CBR3: variants seen among roughly 807,000 people sequenced by gnomAD.
CBR3 encodes carbonyl reductase [NADPH] 3.
A neutral mutation model predicts 11.6 loss-of-function variants in CBR3; 14 were observed. The ratio of observed to expected loss-of-function variants is 1.20; its 90% CI spans 0.79 to 1.88. The LOEUF (loss-of-function observed/expected upper bound fraction) is 1.88, where lower values mean the gene tolerates loss of function less well. CBR3 is among the 40% of genes most tolerant of loss of function. The pLI is 0.00. For synonymous variants in CBR3, 125 were observed against 145.6 expected (o/e 0.86, Z 1.02); for missense variants, 308 against 357.3 (o/e 0.86, Z 1.11).
rs1426778658 is a variant in CBR3, at chr21:36,146,061, A to G, written c.398-15A>G. 1 of 1,570,164 alleles carries G rather than the reference A, an allele frequency of 6.4e-7. No individual in the cohort carries two copies. The highest frequency in any genetic ancestry group is 8.7e-7 in the Non-Finnish European group (1 of 1,143,394). The stretch of plus-strand genomic sequence containing the variant: ...CTCTGTGATATGCTTTCATATATTT[A>G]TCATTCTGTTTCAGGGAGAGTGGTG... On this transcript the variant is annotated splice_polypyrimidine_tract_variant and intron_variant, in intron 2 of 2. Coordinates refer to ENST00000290354, the MANE Select transcript of CBR3 (RefSeq NM_001236.4).
At chr21:36,139,572 G>A (rs890588174) in intron 2 of CBR3, among the ~76,000 whole-genome samples, 24 of 151,926 alleles carry the variant, frequency 1.6e-4, no homozygotes, top group Admixed American at 1.1e-3. Flanking sequence ...AGTAGAGACA[G>A]GGCTTTGCCA....
chr21:36,144,500 G>A (rs990738234), intron 2 of CBR3, among the ~76,000 whole-genome samples: 2 of 147,074 alleles, frequency 1.4e-5, no homozygotes, highest in Admixed American at 6.8e-5. Flanking sequence ...AGTGGCTCAC[G>A]CCTGTAATTC....
rs369773796 is a variant in CBR3, at chr21:36,135,162, C to T, written c.-31C>T. On this transcript the variant is annotated 5_prime_UTR_variant, in exon 1 of 3. Coordinates refer to ENST00000290354, the MANE Select transcript of CBR3 (RefSeq NM_001236.4). ...GTGGTCCGAAGCCCGGTCCGCCCTC[C>T]ACGCAGGTGCCCCGCGCTCCCCGCT... The T allele has an allele frequency of 9.8e-6, 14 of 1,423,720 alleles. No individual in the cohort carries two copies. The highest frequency in any genetic ancestry group is 4.4e-4 in the Middle Eastern group (2 of 4,588). The allele number at this position is 1,423,720 out of a possible 1,614,324, so 88.2% of individuals were successfully genotyped here.
chr21:36,140,940 G>A (rs925253497), intron 2 of CBR3, among the ~76,000 whole-genome samples: 9 of 149,428 alleles, frequency 6.0e-5, no homozygotes, highest in Admixed American at 2.0e-4. Flanking sequence ...CCCGGGAGGC[G>A]GAACTTGCAG....
At chr21:36,135,808 C>T (rs1056876984) in intron 1 of CBR3, among the ~76,000 whole-genome samples, 4 of 152,266 alleles carry the variant, frequency 2.6e-5, no homozygotes, top group Non-Finnish European at 4.4e-5. Context: ...TAGAGTTCAT[C>T]AGCTTTCCTT....
chr21:36,136,361 A>G (rs1266724903), intron 1 of CBR3, among the ~76,000 whole-genome samples: 2 of 151,600 alleles, frequency 1.3e-5, no homozygotes, highest in African/African-American at 4.8e-5. Flanking sequence ...TTCACCTCCA[A>G]CCTAGTGGGG....
intron 1 of CBR3, among the ~76,000 whole-genome samples, chr21:36,136,612 C>G (rs1262944850): frequency 6.6e-6 from 1 of 152,046 alleles, no homozygotes; most frequent in Non-Finnish European, 1.5e-5. Context: ...GCTTCCTGGA[C>G]GACAGGCGGA....
At chr21:36,141,568 A>G (rs1471674756) in intron 2 of CBR3, 19 of 152,362 alleles carry the variant, frequency 1.2e-4, no homozygotes. Context: ...GGGACCATCT[A>G]TCTGTATTTG....
At chr21:36,135,653 T>G (rs985481643) in intron 1 of CBR3, 172 bp downstream of exon 1, 1 of 639,300 alleles carries the variant, frequency 1.6e-6, no homozygotes, top group Non-Finnish European at 2.5e-6. Flanking sequence ...CGTGATTCGC[T>G]GAGCCCCAGG....
chr21:36,136,919 T>C (rs1042591663), intron 1 of CBR3, among the ~76,000 whole-genome samples: 1 of 149,616 alleles, frequency 6.7e-6, no homozygotes, highest in African/African-American at 2.5e-5. Context: ...TCCCAGCTAC[T>C]CGGGAGGCTC....
intron 2 of CBR3, chr21:36,141,619 C>G (rs2065710102): frequency 6.6e-6 from 1 of 152,208 alleles, no homozygotes; most frequent in Non-Finnish European, 1.5e-5. Context: ...ATAGGACAAG[C>G]AACTACTAAG....
intron 2 of CBR3, chr21:36,142,082 A>C (rs2065713681): frequency 1.5e-5 from 3 of 195,982 alleles, no homozygotes; most frequent in Non-Finnish European, 2.8e-5. Flanking sequence ...ACAGTCTTCA[A>C]AAAAGTCATT....
rs768817352 is a variant in CBR3 at position 36,146,119 on chromosome 21, T to C, written c.441T>C (p.Phe147=). 1.2e-6 allele frequency: 2 copies of C among 1,614,030 alleles called. No individual in the cohort carries two copies. The highest frequency in any genetic ancestry group is 1.7e-6 in the Non-Finnish European group (2 of 1,179,958). The change falls in exon 3 of 3, where the codon TTT becomes TTC. Residue 147 remains phenylalanine (F), a synonymous_variant. Coordinates refer to ENST00000290354, the MANE Select transcript of CBR3 (RefSeq NM_001236.4). ...NISSLQCLRA[F]ENCSEDLQER... ...GTAGTTTGCAGTGTTTAAGGGCTTTTGAAAACTGCAGTGAAGATCTGCAGG... is the reference window on the plus strand; with the variant it reads ...GTAGTTTGCAGTGTTTAAGGGCTTTCGAAAACTGCAGTGAAGATCTGCAGG...
intron 2 of CBR3, among the ~76,000 whole-genome samples, chr21:36,143,716 C>T (rs13049005): frequency 0.044 from 6,624 of 151,778 alleles, 190 homozygotes; most frequent in Non-Finnish European, 0.064. Context: ...CCCGTTTCTA[C>T]GAAAAATACA....
At chr21:36,139,730 G>A (rs112028654) in intron 2 of CBR3, among the ~76,000 whole-genome samples, 60 of 152,044 alleles carry the variant, frequency 3.9e-4, no homozygotes, top group East Asian at 1.8e-3. Flanking sequence ...ATTATTGGCC[G>A]GGTGTGGTGG....
intron 2 of CBR3, chr21:36,138,356 C>T (rs1160215643): frequency 2.5e-5 from 4 of 158,400 alleles, no homozygotes; most frequent in Non-Finnish European, 5.6e-5. Context: ...ACCATGTTGG[C>T]CAGGCTAGTC....
intron 2 of CBR3, among the ~76,000 whole-genome samples, chr21:36,142,428 T>G (rs1178644632): frequency 8.1e-4 from 2 of 2,460 alleles, no homozygotes; most frequent in Non-Finnish European, 2.0e-3. Context: ...CGAGACTCCA[T>G]CTCAAAAAAA....
At chr21:36,137,727 G>T (rs1015891989) in intron 1 of CBR3, 98 bp from the exon 2 acceptor site, 10 of 711,012 alleles carry the variant, frequency 1.4e-5, no homozygotes, top group Admixed American at 1.2e-4. Context: ...AAATTAACTT[G>T]TTTTTCCTTT....
intron 2 of CBR3, among the ~76,000 whole-genome samples, chr21:36,144,563 G>T (rs1206344340): frequency 9.7e-6 from 1 of 103,284 alleles, no homozygotes; most frequent in African/African-American, 4.0e-5. Context: ...GGAGGCGGAG[G>T]TTGCAGTGAG....
Sources: gnomAD v4.1 joint callset for allele counts (sites outside exome capture counted in the v4.1 genomes callset) on GRCh38, gnomAD v4.1.1 for gene constraint, MANE v1.5 for transcripts, NCBI Gene and HGNC (gene_info 2026-07-23, HGNC 2026-07-21) for gene names.